Variants in EXTL3 observed in about 807,000 individuals in gnomAD.
EXTL3 encodes the protein exostosin-like 3.
In EXTL3, 27 loss-of-function variants were observed where a neutral mutation model predicts 69.3. The observed-to-expected ratio is 0.39, with a 90% CI of 0.29 to 0.54. The LOEUF (loss-of-function observed/expected upper bound fraction) is 0.54. Among genes scored for constraint, EXTL3 ranks in the 20% least tolerant of loss-of-function variants. The probability of loss-of-function intolerance (pLI) is 0.69; values close to 1 mark genes in which losing one functional copy is unlikely to be tolerated. For synonymous variants in EXTL3, 511 were observed against 499.4 expected, an observed-to-expected ratio of 1.02 and a Z score of -0.31; for missense variants, 1,003 against 1,231.8, an observed-to-expected ratio of 0.81 and a Z score of 2.78.
At chr8:28,743,515 G>T (rs755893730) in intron 6 of EXTL3, among the ~76,000 whole-genome samples, 3 of 152,158 alleles carry the variant, frequency 2.0e-5, no homozygotes, top group Non-Finnish European at 4.4e-5. Flanking sequence ...TATGAAACAG[G>T]CTATAATTCA....
chr8:28,717,756 A>G lies in EXTL3; in HGVS notation c.1697A>G (p.Asn566Ser), dbSNP rs141817681. Residue 566 changes from asparagine to serine, a missense_variant, in exon 3 of 7, where the codon AAC (asparagine) becomes AGC (serine). By Grantham distance (46) the Asn-to-Ser change is conservative. Coordinates refer to ENST00000220562, the MANE Select transcript of EXTL3 (RefSeq NM_001440.4). This position sits in a 1 kb window ranked among gnomAD's most constrained non-coding sequence, Gnocchi z 8.3. ...GGCAAGGCGGCTGGAACTGACCCCA[A>G]CATGGCTGACAACGGGGACCTGGAC... is the stretch of plus-strand genomic sequence containing the variant. ...RSGKAAGTDP[N>S]MADNGDLDLG... 2.0e-4 allele frequency: 315 copies of G among 1,614,130 alleles called. No individual in the cohort carries two copies. Among genetic ancestry groups the G allele is most frequent in the African/African-American group, 4.5e-4 (34 of 75,064 alleles).
At chr8:28,618,854 G>C (rs1422215327), upstream of EXTL3, among the ~76,000 whole-genome samples, 1 of 151,892 alleles carries the variant, frequency 6.6e-6, no homozygotes, top group Admixed American at 6.6e-5. Flanking sequence ...GGAGGCTGAG[G>C]CTGGTGGATC....
chr8:28,691,956 C>G (rs1423227326), intron 1 of EXTL3, among the ~76,000 whole-genome samples: 2 of 151,982 alleles, frequency 1.3e-5, no homozygotes, highest in South Asian at 4.1e-4. Context: ...ATAAATAGAG[C>G]ATTATTGAAG....
chr8:28,737,756 G>A (rs1034516162), intron 5 of EXTL3, 93 bp downstream of exon 5: 90 of 1,339,614 alleles, frequency 6.7e-5, no homozygotes, highest in Non-Finnish European at 8.8e-5. Flanking sequence ...CTCTCCTAAC[G>A]CTTCTTACAT....
In EXTL3 at chr8:28,717,530, A is replaced by G. The variant is rs1801187413; in HGVS notation, c.1471A>G (p.Thr491Ala). ...AALVVPKPRVTEVHFLLRSLS... is the reference protein window; with the variant it reads ...AALVVPKPRVAEVHFLLRSLS... ...CCTGGTGGTGCCAAAGCCTCGTGTT[A>G]CCGAGGTTCATTTCCTGCTCAGAAG... is the stretch of plus-strand genomic sequence containing the variant. The change falls in exon 3 of 7, where the codon ACC becomes GCC. Residue 491 changes from threonine to alanine, a missense_variant. By Grantham distance (58) the Thr-to-Ala change is moderately conservative. This residue lies in a region of EXTL3 where 742 missense variants were observed against 815.4 expected (regional missense o/e 0.91). Transcript: ENST00000220562. The surrounding 1 kb of genome is among the most constrained non-coding windows in gnomAD (Gnocchi z 8.3). 1.2e-6 allele frequency: 2 copies of G among 1,614,158 alleles called. No individual in the cohort carries two copies. The highest frequency in any genetic ancestry group is 1.6e-4 in the Middle Eastern group (1 of 6,062).
At chr8:28,734,787 A>T (rs1801611438) in intron 4 of EXTL3, among the ~76,000 whole-genome samples, 3 of 152,098 alleles carry the variant, frequency 2.0e-5, no homozygotes, top group South Asian at 2.1e-4. Flanking sequence ...CAGGATAGAG[A>T]GAGTTCTTTC....
At position 28,734,580 on chromosome 8, in the gene EXTL3, C is replaced by T. The variant is rs183763288; in HGVS notation, c.2277-2939C>T. On this transcript the variant is annotated intron_variant, in intron 4 of 6. Transcript: ENST00000220562. ...TATAAAAATTAGCGGGGCGTGTTGG[C>T]GTGCGCCTGTAATCCCAGCTACTCA... Among the ~76,000 whole-genome samples, 1,098 of 152,252 alleles carry T rather than the reference C, an allele frequency of 7.2e-3. 9 individuals are homozygous for T. The highest frequency in any genetic ancestry group is 0.025 in the African/African-American group (1,029 of 41,546).
rs1468488060 is a variant in EXTL3 at position 28,752,738 on chromosome 8, G to A, written c.*1872G>A. On this transcript the variant is annotated 3_prime_UTR_variant, in exon 7 of 7. Transcript: ENST00000220562. ...AGACGCCCTTCCTCAGAACTTTCTAGTTGCCCTCTACCTGACTCCTGACTT... is the reference window on the plus strand; with the variant it reads ...AGACGCCCTTCCTCAGAACTTTCTAATTGCCCTCTACCTGACTCCTGACTT... 2.0e-5 allele frequency: 3 copies of A among 152,984 alleles called. No homozygotes were observed. The highest frequency in any genetic ancestry group is 2.1e-4 in the South Asian group (1 of 4,830). 9.5% of individuals were successfully genotyped at this position (152,984 alleles called of 1,614,324 possible).
intron 1 of EXTL3, among the ~76,000 whole-genome samples, chr8:28,635,050 A>G (rs771306440): frequency 6.6e-6 from 1 of 152,066 alleles, no homozygotes; most frequent in Non-Finnish European, 1.5e-5. Context: ...GGAGTGTGTG[A>G]AGGCTGTAAA....
chr8:28,646,206 A>AAT (rs765924302), intron 1 of EXTL3, among the ~76,000 whole-genome samples: 3 of 152,204 alleles, frequency 2.0e-5, no homozygotes, highest in Non-Finnish European at 4.4e-5. Context: ...AGCTTATATT[A>AAT]ATGTAATTAT....
rs1201781173 is a variant in EXTL3 at position 28,673,030 on chromosome 8, G to A, written c.-52-40427G>A. Among the ~76,000 whole-genome samples, 6 of 152,330 alleles carry A rather than the reference G, an allele frequency of 3.9e-5. No homozygotes were observed. The East Asian group carries it at 9.7e-4, about 25-fold the overall frequency. On this transcript the variant is annotated intron_variant, in intron 1 of 6. Transcript: ENST00000523149. The stretch of plus-strand genomic sequence containing the variant: ...AGATGTGCCTTTAGCCTTCCACCAC[G>A]ATTGTGAGGCCTCCTCAGCCACATG...
At chr8:28,650,026 T>C (rs923110415) in intron 1 of EXTL3, among the ~76,000 whole-genome samples, 1 of 151,828 alleles carries the variant, frequency 6.6e-6, no homozygotes, top group Non-Finnish European at 1.5e-5. Context: ...TGAAACCCCA[T>C]CTCTACTAAA....
At position 28,610,887 on chromosome 8, in the gene EXTL3, C is replaced by T. The variant is rs141182513; in HGVS notation, n.314+3129C>T. Among the ~76,000 whole-genome samples, 678 of 152,144 alleles carry T rather than the reference C, an allele frequency of 4.5e-3. 5 individuals are homozygous for T. Among genetic ancestry groups the T allele is most frequent in the African/African-American group, 0.015 (642 of 41,508 alleles). ...CCTCCCAAGTAGCTGGGATTACAGGCGCCTGCCACCACGCCTGGCTAATTT... is the reference window on the plus strand; with the variant it reads ...CCTCCCAAGTAGCTGGGATTACAGGTGCCTGCCACCACGCCTGGCTAATTT... On this transcript the variant is annotated intron_variant and non_coding_transcript_variant, in intron 2 of 4. Transcript: ENST00000522725.
At chr8:28,649,806 T>C (rs1247762330) in intron 1 of EXTL3, among the ~76,000 whole-genome samples, 1 of 152,196 alleles carries the variant, frequency 6.6e-6, no homozygotes, top group Non-Finnish European at 1.5e-5. Flanking sequence ...TTCTCCCAAA[T>C]CATGTATACA....
At chr8:28,624,863 C>T (rs1379055411) in intron 1 of EXTL3, among the ~76,000 whole-genome samples, 1 of 152,184 alleles carries the variant, frequency 6.6e-6, no homozygotes, top group Admixed American at 6.5e-5. Flanking sequence ...TGGAAAGACA[C>T]TGACACTCAG....
intron 3 of EXTL3, among the ~76,000 whole-genome samples, chr8:28,724,616 A>AAAT (rs1554485772): frequency 6.7e-6 from 1 of 148,526 alleles, no homozygotes; most frequent in Non-Finnish European, 1.5e-5. Flanking sequence ...AAAAAAAAAA[A>AAAT]AAGAAGAAGA....
intron 1 of EXTL3, among the ~76,000 whole-genome samples, chr8:28,660,056 CAACTT>C (rs1807082027): frequency 6.6e-6 from 1 of 152,206 alleles, no homozygotes; most frequent in East Asian, 1.9e-4. Flanking sequence ...TATTGACACT[CAACTT>C]AGTTTAAAAA....
intron 1 of EXTL3, among the ~76,000 whole-genome samples, chr8:28,662,652 G>A (rs527880494): frequency 1.8e-4 from 27 of 152,300 alleles, no homozygotes; most frequent in Middle Eastern, 3.4e-3. Context: ...GGTGGTTCAC[G>A]TCTGTAATCC....
At position 28,716,955 on chromosome 8, in the gene EXTL3, C is replaced by T. The variant is rs2130737942; in HGVS notation, c.896C>T (p.Ala299Val). The change falls in exon 3 of 7, where the codon GCC becomes GTC. Residue 299 changes from alanine (A) to valine (V), a missense_variant. Transcript: ENST00000220562. This position sits in a 1 kb window ranked among gnomAD's most constrained non-coding sequence, Gnocchi z 7.1. Reference sequence around the variant, plus strand: ...GTCAGTACTGGCCGTGCCATGGTGGCCCAGTCCACCTTCTACACTGTCCAG... The same window carrying T: ...GTCAGTACTGGCCGTGCCATGGTGGTCCAGTCCACCTTCTACACTGTCCAG... ...YNVSTGRAMV[A>V]QSTFYTVQYR... The T allele has an allele frequency of 1.9e-6, 3 of 1,614,202 alleles. No homozygotes were observed. Among genetic ancestry groups the T allele is most frequent in the Non-Finnish European group, 2.5e-6 (3 of 1,180,028 alleles).
Sources: allele counts gnomAD v4.1 joint callset (sites outside exome capture counted in the v4.1 genomes callset), GRCh38; gene constraint gnomAD v4.1.1; regional missense constraint gnomAD v4.1.1; non-coding constraint Gnocchi (gnomAD v3.1); transcripts MANE v1.5; gene names NCBI Gene and HGNC (gene_info 2026-07-23, HGNC 2026-07-21).